The following AGPAT3 variants were observed in gnomAD, a reference collection of about 807,000 sequenced individuals.
AGPAT3 encodes 1-acylglycerol-3-phosphate O-acyltransferase 3.
In AGPAT3, 5 loss-of-function variants were observed where a neutral mutation model predicts 47.3. The observed-to-expected ratio is 0.11, with a 90% CI of 0.06 to 0.22. The LOEUF (loss-of-function observed/expected upper bound fraction) is 0.22, where lower values mean the gene tolerates loss of function less well. Ranked by LOEUF, AGPAT3 falls within the 10% of genes least tolerant of loss-of-function variation. The probability of loss-of-function intolerance (pLI) is 1.00; values close to 1 mark genes in which losing one functional copy is unlikely to be tolerated. For synonymous variants in AGPAT3, 212 were observed against 208.3 expected (o/e 1.02, Z -0.15); for missense variants, 315 against 493.0 (o/e 0.64, Z 3.42).
intron 2 of AGPAT3, among the ~76,000 whole-genome samples, chr21:43,958,893 G>A (rs1483705236): frequency 6.8e-6 from 1 of 148,138 alleles, no homozygotes; most frequent in Non-Finnish European, 1.5e-5. Flanking sequence ...TATGGTGTGT[G>A]TGTGGGTGGT....
intron 7 of AGPAT3, among the ~76,000 whole-genome samples, chr21:43,976,991 C>T (rs558174196): frequency 2.6e-5 from 4 of 152,278 alleles, no homozygotes; most frequent in South Asian, 2.1e-4. Context: ...CATATGTGAG[C>T]GGCTTACCCT....
rs2086549918 is a variant in AGPAT3, at chr21:43,908,264, G to A, written c.-49+4245G>A. Among the ~76,000 whole-genome samples the A allele has an allele frequency of 6.6e-6, 1 of 152,090 alleles. No homozygotes were observed. Among genetic ancestry groups the A allele is most frequent in the African/African-American group, 2.4e-5 (1 of 41,418 alleles). On this transcript the variant is annotated intron_variant, in intron 2 of 9. Transcript: ENST00000291572. This position sits in a 1 kb window ranked among gnomAD's most constrained non-coding sequence, Gnocchi z 4.9. ...ATATCCAGAGCTGGCAGCTTTGTTG[G>A]GGCTGGTCACTCCCCAGCCCTGAGG...
chr21:43,921,068 G>A (rs565863934), intron 2 of AGPAT3, among the ~76,000 whole-genome samples: 8 of 152,242 alleles, frequency 5.3e-5, no homozygotes, highest in East Asian at 3.9e-4. Context: ...AGCCGAGATC[G>A]GGCCACTGCA....
At chr21:43,904,780 G>T (rs1291867035) in intron 2 of AGPAT3, among the ~76,000 whole-genome samples, 1 of 152,156 alleles carries the variant, frequency 6.6e-6, no homozygotes, top group Non-Finnish European at 1.5e-5. Flanking sequence ...CTTCTGGGTG[G>T]CCCTGGACCC....
rs1058694 is a variant in AGPAT3, at chr21:43,984,239, C to T, written c.*1847C>T. 48,179 of 152,278 alleles carry T rather than the reference C, an allele frequency of 0.32. 7,676 individuals are homozygous for T. The highest frequency in any genetic ancestry group is 0.37 in the Admixed American group (5,713 of 15,298). 9.4% of individuals were successfully genotyped at this position (152,278 alleles called of 1,614,324 possible). A position where few individuals can be genotyped will look rare whatever the true frequency, so the allele number is the denominator to read the frequency against. ...CACCCGCCCACTCGGGCAGCTGTGC[C>T]GTGGGCAGGGCATGCGCTCCCCTGG... On this transcript the variant is annotated 3_prime_UTR_variant, in exon 10 of 10. Coordinates refer to ENST00000291572, the MANE Select transcript of AGPAT3 (RefSeq NM_020132.5).
chr21:43,896,488 A>G (rs1407959190), intron 1 of AGPAT3, among the ~76,000 whole-genome samples: 1 of 152,264 alleles, frequency 6.6e-6, no homozygotes, highest in Non-Finnish European at 1.5e-5. Context: ...CTTCTATACT[A>G]AGGGTCAGCA....
At chr21:43,875,057 T>C (rs1601190901) in intron 1 of AGPAT3, among the ~76,000 whole-genome samples, 1 of 152,192 alleles carries the variant, frequency 6.6e-6, no homozygotes, top group Non-Finnish European at 1.5e-5. Context: ...CTTGGCTCAC[T>C]GTAACCTCCG....
chr21:43,967,636 G>A (rs144551779), intron 3 of AGPAT3: 18 of 312,564 alleles, frequency 5.8e-5, no homozygotes, highest in East Asian at 2.3e-4. Flanking sequence ...CTCACGGGGC[G>A]TGGCTGTGCG....
At position 43,961,354 on chromosome 21, in the gene AGPAT3, G is replaced by A. The variant is rs185109315; in HGVS notation, c.178+1495G>A. Among the ~76,000 whole-genome samples, 462 of 151,778 alleles carry A rather than the reference G, an allele frequency of 3.0e-3. 1 individual carries two copies. Among genetic ancestry groups the A allele is most frequent in the Non-Finnish European group, 3.8e-3 (258 of 67,908 alleles). ...CTTTGTCTCGTGGGAAACGGTAAGCGCGTAGACACTTTGTCTCACGTGAGA... is the reference window on the plus strand; with the variant it reads ...CTTTGTCTCGTGGGAAACGGTAAGCACGTAGACACTTTGTCTCACGTGAGA... On this transcript the variant is annotated intron_variant, in intron 3 of 9. Transcript: ENST00000291572.
Position 43,981,067 on chromosome 21 carries a change from C to T in AGPAT3, c.922C>T (p.Leu308Phe), listed in dbSNP as rs1395739047. Reference protein sequence around the residue: ...QFKPARRPWTLLNFLSWATIL... With the variant: ...QFKPARRPWTFLNFLSWATIL... ...TAAGCCTGCCCGGAGGCCGTGGACCCTCCTGAACTTCCTGTCCTGGGCCAC... is the reference window on the plus strand; with the variant it reads ...TAAGCCTGCCCGGAGGCCGTGGACCTTCCTGAACTTCCTGTCCTGGGCCAC... Residue 308 changes from leucine (L) to phenylalanine (F), a missense_variant, in exon 9 of 10, where the codon CTC becomes TTC. Transcript: ENST00000291572. This position sits in a 1 kb window ranked among gnomAD's most constrained non-coding sequence, Gnocchi z 5.3. 1.2e-6 allele frequency: 2 copies of T among 1,614,108 alleles called. No homozygotes were observed. Among genetic ancestry groups the T allele is most frequent in the African/African-American group, 2.7e-5 (2 of 74,942 alleles).
In AGPAT3 at chr21:43,900,402, G is replaced by A. The variant is rs115895370; in HGVS notation, c.-111-3555G>A. On this transcript the variant is annotated intron_variant, in intron 1 of 9. Transcript: ENST00000291572. Reference sequence around the variant, plus strand: ...AGGCTTCAGACACTGGTGGCAGGCCGTGTGGACAGTGACCAGAGAGGGGCA... The same window carrying A: ...AGGCTTCAGACACTGGTGGCAGGCCATGTGGACAGTGACCAGAGAGGGGCA... Among the ~76,000 whole-genome samples, 1,394 of 152,332 alleles carry A rather than the reference G, an allele frequency of 9.2e-3. 23 individuals carry two copies. The highest frequency in any genetic ancestry group is 0.031 in the African/African-American group (1,279 of 41,564).
intron 2 of AGPAT3, among the ~76,000 whole-genome samples, chr21:43,913,994 CAT>C (rs1269380009): frequency 6.6e-6 from 1 of 152,116 alleles, no homozygotes; most frequent in Non-Finnish European, 1.5e-5. Flanking sequence ...AAGGAAAACC[CAT>C]AGTTTCCAAA....
chr21:43,945,781 A>G (rs2087858801), intron 2 of AGPAT3, among the ~76,000 whole-genome samples: 1 of 152,236 alleles, frequency 6.6e-6, no homozygotes, highest in East Asian at 1.9e-4. Context: ...TGGCATTTCA[A>G]TCGGTAAATA....
At chr21:43,879,706 G>C (rs1019018252) in intron 1 of AGPAT3, among the ~76,000 whole-genome samples, 1 of 152,240 alleles carries the variant, frequency 6.6e-6, no homozygotes, top group East Asian at 1.9e-4. Context: ...CGCTGTGTGC[G>C]TGTCAGGGCG....
chr21:43,874,261 G>A lies in AGPAT3; in HGVS notation c.-112+8916G>A, dbSNP rs554868640. Among the ~76,000 whole-genome samples the A allele has an allele frequency of 5.2e-3, 791 of 152,190 alleles. 4 individuals are homozygous for A. The highest frequency in any genetic ancestry group is 0.018 in the African/African-American group (740 of 41,512). On this transcript the variant is annotated intron_variant, in intron 1 of 9. Coordinates refer to ENST00000291572, the MANE Select transcript of AGPAT3 (RefSeq NM_020132.5). ...GGCTGGTCTTGAACTCCTGACCTCA[G>A]GCAATCCGCCCACCTCGGCTTCCCC...
intron 2 of AGPAT3, among the ~76,000 whole-genome samples, chr21:43,913,094 T>C (rs937777572): frequency 6.6e-6 from 1 of 152,256 alleles, no homozygotes; most frequent in African/African-American, 2.4e-5. Flanking sequence ...TGTCAAGCCT[T>C]CTTGTTAAGG....
At chr21:43,950,251 A>G (rs1374468428) in intron 2 of AGPAT3, among the ~76,000 whole-genome samples, 2 of 152,242 alleles carry the variant, frequency 1.3e-5, no homozygotes, top group Non-Finnish European at 2.9e-5. Context: ...CTGTTGTAGT[A>G]GATTTGGATT....
At chr21:43,889,283 T>TG (rs1406979776) in intron 1 of AGPAT3, among the ~76,000 whole-genome samples, 4 of 132,100 alleles carry the variant, frequency 3.0e-5, no homozygotes, top group South Asian at 5.2e-4. Context: ...GTGGTTGTTG[T>TG]GGGTTTTTTT....
At chr21:43,884,712 GTGCTGGGTGGTCTGGTGCTGGA>G (rs2085935615) in intron 1 of AGPAT3, among the ~76,000 whole-genome samples, 3 of 151,670 alleles carry the variant, frequency 2.0e-5, no homozygotes, top group African/African-American at 7.3e-5. Context: ...CTGATGCTGG[GTGCTGGGTGGTCTGGTGCTGGA>G]TGCTGGGTGG....
Sources: gnomAD v4.1 joint callset for allele counts (sites outside exome capture counted in the v4.1 genomes callset) on GRCh38, gnomAD v4.1.1 for gene constraint, Gnocchi (gnomAD v3.1) non-coding constraint, MANE v1.5 for transcripts, NCBI Gene and HGNC (gene_info 2026-07-23, HGNC 2026-07-21) for gene names.